The following RIN3 variants were observed in gnomAD, a reference collection of about 807,000 sequenced individuals.
RIN3 encodes Ras and Rab interactor 3, also known as RAB5 interacting protein 3.
Under a neutral mutation model 76.3 loss-of-function variants are expected in RIN3, and 54 were observed. The observed-to-expected ratio is 0.71, with a 90% CI of 0.57 to 0.89. The LOEUF (loss-of-function observed/expected upper bound fraction) is 0.89. Ranked by LOEUF, RIN3 falls within the 40% of genes least tolerant of loss-of-function variation. The pLI is 0.00. For synonymous variants in RIN3, 576 were observed against 564.0 expected, an observed-to-expected ratio of 1.02 and a Z score of -0.30; for missense variants, 1,256 against 1,322.1, an observed-to-expected ratio of 0.95 and a Z score of 0.78.
chr14:92,606,796 G>A (rs909867605), intron 3 of RIN3, among the ~76,000 whole-genome samples: 6 of 152,156 alleles, frequency 3.9e-5, no homozygotes, highest in South Asian at 4.1e-4. Context: ...GAATCCTCAC[G>A]GTGGGAATAT....
At chr14:92,520,686 C>G (rs1896574454) in intron 1 of RIN3, among the ~76,000 whole-genome samples, 1 of 152,200 alleles carries the variant, frequency 6.6e-6, no homozygotes, top group Admixed American at 6.5e-5. Context: ...CTAAATTGTT[C>G]TGTGAGTCAG....
intron 1 of RIN3, among the ~76,000 whole-genome samples, chr14:92,525,339 G>C (rs1896701267): frequency 6.6e-6 from 1 of 152,218 alleles, no homozygotes; most frequent in South Asian, 2.1e-4. Flanking sequence ...AGGGACAGTG[G>C]CTCTTCCTGG....
At chr14:92,563,462 C>T (rs920834480) in intron 2 of RIN3, among the ~76,000 whole-genome samples, 1 of 152,174 alleles carries the variant, frequency 6.6e-6, no homozygotes, top group Admixed American at 6.5e-5. Flanking sequence ...TTACTTTGGA[C>T]TAAGCACCAT....
At position 92,652,428 on chromosome 14, in the gene RIN3, C is replaced by T; in HGVS notation, c.1379C>T (p.Pro460Leu). 1.2e-6 allele frequency: 2 copies of T among 1,613,996 alleles called. No individual in the cohort carries two copies. The highest frequency in any genetic ancestry group is 8.5e-7 in the Non-Finnish European group (1 of 1,179,996). ...PRTAKQPPVPPPRKKRISRQL... is the reference protein window; with the variant it reads ...PRTAKQPPVPLPRKKRISRQL... ...ACAGCCAAACAACCCCCAGTCCCGC[C>T]CCCCAGGAAAAAACGGATCTCTCGA... is the stretch of plus-strand genomic sequence containing the variant. Residue 460 changes from proline to leucine, a missense_variant, in exon 6 of 10, where the codon CCC becomes CTC. By Grantham distance (98) the Pro-to-Leu change is moderately conservative. This residue lies in a region of RIN3 where 610 missense variants were observed against 626.4 expected (regional missense o/e 0.97). Coordinates refer to ENST00000216487, the MANE Select transcript of RIN3 (RefSeq NM_024832.5). The surrounding 1 kb of genome is among the most constrained non-coding windows in gnomAD (Gnocchi z 6.4).
chr14:92,652,410 A>G lies in RIN3; in HGVS notation c.1361A>G (p.Lys454Arg). Residue 454 changes from lysine (K) to arginine (R), a missense_variant, in exon 6 of 10, where the codon AAA becomes AGA. Physicochemically the swap from Lys to Arg is conservative, Grantham distance 26. Around this residue, in one of 3 missense-constraint regions of RIN3, gnomAD observed 610 missense variants for 626.4 expected, o/e 0.97. Coordinates refer to ENST00000216487, the MANE Select transcript of RIN3 (RefSeq NM_024832.5). The surrounding 1 kb of genome is among the most constrained non-coding windows in gnomAD (Gnocchi z 6.4). ...HSMPELPRTA[K>R]QPPVPPPRKK... ...ATGCCAGAGCTGCCCAGGACAGCCA[A>G]ACAACCCCCAGTCCCGCCCCCCAGG... The G allele has an allele frequency of 6.2e-7, 1 of 1,613,012 alleles. No homozygotes were observed. The highest frequency in any genetic ancestry group is 1.7e-5 in the Admixed American group (1 of 59,914).
chr14:92,655,841 G>A (rs1887647214), intron 6 of RIN3, among the ~76,000 whole-genome samples: 1 of 152,200 alleles, frequency 6.6e-6, no homozygotes, highest in African/African-American at 2.4e-5. Flanking sequence ...TCCATCCTGG[G>A]GCAGGCACTG....
chr14:92,525,261 G>A (rs1029120634), intron 1 of RIN3, among the ~76,000 whole-genome samples: 2 of 152,208 alleles, frequency 1.3e-5, no homozygotes, highest in African/African-American at 4.8e-5. Context: ...CACAATGGGC[G>A]CTCGCCCCTG....
chr14:92,662,734 G>A (rs929605353), intron 7 of RIN3, among the ~76,000 whole-genome samples: 1 of 152,192 alleles, frequency 6.6e-6, no homozygotes, highest in Non-Finnish European at 1.5e-5. Context: ...CGCTGGAAGG[G>A]GCAATTCCAT....
intron 3 of RIN3, among the ~76,000 whole-genome samples, chr14:92,584,105 A>G (rs1471085865): frequency 6.6e-6 from 1 of 150,680 alleles, no homozygotes; most frequent in South Asian, 2.1e-4. Context: ...GGCAGATACT[A>G]TGCCATTTCA....
intron 1 of RIN3, among the ~76,000 whole-genome samples, chr14:92,545,161 G>C (rs1023460645): frequency 4.3e-5 from 6 of 140,738 alleles, no homozygotes; most frequent in Non-Finnish European, 7.6e-5. Context: ...CCAGGCTGGA[G>C]TGCAGTGGCA....
intron 7 of RIN3, among the ~76,000 whole-genome samples, chr14:92,661,758 C>CACACACACACACAA (rs373869994): frequency 1.1e-4 from 15 of 133,288 alleles, no homozygotes; most frequent in African/African-American, 4.1e-4. Flanking sequence ...CACACACACA[C>CACACACACACACAA]AAAAAATAGA....
intron 1 of RIN3, among the ~76,000 whole-genome samples, chr14:92,545,402 G>T (rs893885871): frequency 1.3e-5 from 2 of 152,038 alleles, no homozygotes; most frequent in East Asian, 3.9e-4. Flanking sequence ...GAGCCACCGC[G>T]CCCGGCCTAA....
chr14:92,684,856 G>C lies in RIN3; in HGVS notation c.2468-131G>C, dbSNP rs546183152. 1.9e-4 allele frequency: 179 copies of C among 943,920 alleles called. 3 individuals carry two copies. In the East Asian group the frequency reaches 4.3e-3, roughly 23 times the overall value. The allele number at this position is 943,920 out of a possible 1,614,324, so 58.5% of individuals were successfully genotyped here. A position where few individuals can be genotyped will look rare whatever the true frequency, so the allele number is the denominator to read the frequency against. Reference sequence around the variant, plus strand: ...GGGGTTGAGCTCAGCTGTTGAAGCAGGTGTTTGCAGATGTGCCTCAAGCAG... The same window carrying C: ...GGGGTTGAGCTCAGCTGTTGAAGCACGTGTTTGCAGATGTGCCTCAAGCAG... On this transcript the variant is annotated intron_variant, in intron 8 of 9. Transcript: ENST00000216487.
At chr14:92,547,722 G>T (rs1438690774) in intron 1 of RIN3, among the ~76,000 whole-genome samples, 1 of 151,328 alleles carries the variant, frequency 6.6e-6, no homozygotes, top group Non-Finnish European at 1.5e-5. Flanking sequence ...TTTCTTTTTT[G>T]AGACAGAGTC....
At chr14:92,665,450 C>T (rs10047925) in intron 7 of RIN3, among the ~76,000 whole-genome samples, 33,527 of 145,962 alleles carry the variant, frequency 0.23, 4,303 homozygotes, top group Non-Finnish European at 0.29. Context: ...GCAATCTCGG[C>T]TCACTGCAAG....
chr14:92,555,080 ATC>A (rs771029717), intron 1 of RIN3, among the ~76,000 whole-genome samples: 18 of 152,200 alleles, frequency 1.2e-4, no homozygotes, highest in Non-Finnish European at 2.2e-4. Flanking sequence ...GGCAGCACAG[ATC>A]TCTCTATCTT....
Position 92,648,090 on chromosome 14 carries a change from C to CTTTTTT in RIN3, c.533-3481_533-3476dup, listed in dbSNP as rs35034984. ...GCTGCAGAGAAAGTTACTCATTTCC[C>CTTTTTT]TTTTTTTTTTTTTTTTGGAGCATAA... On this transcript the variant is annotated intron_variant, in intron 5 of 9. Coordinates refer to ENST00000216487, the MANE Select transcript of RIN3 (RefSeq NM_024832.5). The surrounding 1 kb of genome is among the most constrained non-coding windows in gnomAD (Gnocchi z 4.1). Among the ~76,000 whole-genome samples the CTTTTTT allele has an allele frequency of 7.2e-6, 1 of 138,834 alleles. No homozygotes were observed. Among genetic ancestry groups the CTTTTTT allele is most frequent in the Non-Finnish European group, 1.5e-5 (1 of 64,928 alleles). 91.1% of individuals were successfully genotyped at this position (138,834 alleles called of 152,430 possible).
At chr14:92,613,434 G>T (rs539229150) in intron 3 of RIN3, among the ~76,000 whole-genome samples, 3 of 152,054 alleles carry the variant, frequency 2.0e-5, no homozygotes, top group African/African-American at 2.4e-5. Context: ...TTAAAATTTT[G>T]TCTCTATCTC....
intron 1 of RIN3, among the ~76,000 whole-genome samples, chr14:92,548,499 A>C (rs1386039361): frequency 6.6e-6 from 1 of 152,170 alleles, no homozygotes. Flanking sequence ...TGTGGTTCTC[A>C]AGGCCAGAAA....
Sources: allele counts gnomAD v4.1 joint callset (sites outside exome capture counted in the v4.1 genomes callset), GRCh38; gene constraint gnomAD v4.1.1; regional missense constraint gnomAD v4.1.1; non-coding constraint Gnocchi (gnomAD v3.1); transcripts MANE v1.5; gene names NCBI Gene and HGNC (gene_info 2026-07-23, HGNC 2026-07-21).